The following ZNF500 variants were observed in gnomAD, a reference collection of about 807,000 sequenced individuals.
ZNF500 encodes the protein zinc finger protein 500.
ZNF500 carries 31 observed loss-of-function variants against 30.1 expected under a neutral mutation model. The ratio of observed to expected loss-of-function variants is 1.03; its 90% CI spans 0.77 to 1.39. ZNF500 has a LOEUF of 1.39. ZNF500 is among the 40% of genes most tolerant of loss of function. The probability of loss-of-function intolerance (pLI) is 0.00; values close to 1 mark genes in which losing one functional copy is unlikely to be tolerated. For missense variants in ZNF500, 817 were observed against 657.8 expected, an observed-to-expected ratio of 1.24 and a Z score of -2.65; for synonymous variants, 392 against 282.0, an observed-to-expected ratio of 1.39 and a Z score of -3.91.
Position 4,750,275 on chromosome 16 carries a change from T to TG in ZNF500, c.*2100_*2101insC, listed in dbSNP as rs2082064845. The TG allele has an allele frequency of 6.6e-6, 1 of 152,330 alleles. No homozygotes were observed. The highest frequency in any genetic ancestry group is 1.5e-5 in the Non-Finnish European group (1 of 68,150). 9.4% of individuals were successfully genotyped at this position (152,330 alleles called of 1,614,324 possible). A position where few individuals can be genotyped will look rare whatever the true frequency, so the allele number is the denominator to read the frequency against. ...GCCGTCCCTCAACCAGGCAGCCCCATTCTGCAGACACAGGACAGAGCACAC... is the reference window on the plus strand; with the variant it reads ...GCCGTCCCTCAACCAGGCAGCCCCATGTCTGCAGACACAGGACAGAGCACAC... On this transcript the variant is annotated 3_prime_UTR_variant, in exon 6 of 6. Coordinates refer to ENST00000219478, the MANE Select transcript of ZNF500 (RefSeq NM_021646.4).
chr16:4,765,609 G>A lies in ZNF500; in HGVS notation c.370C>T (p.Leu124Phe). Residue 124 changes from leucine to phenylalanine, a missense_variant, in exon 2 of 6, where the codon CTT (leucine) becomes TTT (phenylalanine). Coordinates refer to ENST00000219478, the MANE Select transcript of ZNF500 (RefSeq NM_021646.4). ...GGCTTCCGCTGCAGCCCTTCCACAA[G>A]GACCACGGCCTCCTCACCGCTCTCC... ...QPESGEEAVV[L>F]VEGLQRKPRK... is the part of the protein sequence containing the mutation. 6.2e-7 allele frequency: 1 copy of A among 1,611,382 alleles called. No homozygotes were observed. The highest frequency in any genetic ancestry group is 8.5e-7 in the Non-Finnish European group (1 of 1,178,528).
chr16:4,762,294 G>C lies in ZNF500; in HGVS notation c.640C>G (p.Pro214Ala). Residue 214 changes from proline (P) to alanine (A), a missense_variant, in exon 4 of 6, where the codon CCC becomes GCC. Transcript: ENST00000219478. ...PRHQEMASAS[P>A]FLSAWSQVPV... The stretch of plus-strand genomic sequence containing the variant: ...ACCTGGGACCAGGCCGAAAGGAAGG[G>C]CGAGGCTGACGCCATCTCCTGATGC... 1.2e-6 allele frequency: 2 copies of C among 1,611,632 alleles called. No homozygotes were observed.
chr16:4,746,647 G>C, downstream of ZNF500: 3 of 1,242,166 alleles, frequency 2.4e-6, no homozygotes, highest in Admixed American at 5.5e-5. Context: ...CAATTGAAAA[G>C]TGCTGGCCTA....
At position 4,749,389 on chromosome 16, in the gene ZNF500, A is replaced by C. The variant is rs1183392280; in HGVS notation, c.*2987T>G. The C allele has an allele frequency of 6.5e-6, 1 of 154,416 alleles. No individual in the cohort carries two copies. Among genetic ancestry groups the C allele is most frequent in the Non-Finnish European group, 1.5e-5 (1 of 68,218 alleles). 9.6% of individuals were successfully genotyped at this position (154,416 alleles called of 1,614,324 possible). ...AGTGATGGAAAATAAACTCTGTTCCAAGTTCAACTCTGAATTACTGTGTCT... is the reference window on the plus strand; with the variant it reads ...AGTGATGGAAAATAAACTCTGTTCCCAGTTCAACTCTGAATTACTGTGTCT... On this transcript the variant is annotated 3_prime_UTR_variant, in exon 6 of 6. Transcript: ENST00000219478.
rs1411606783 is a variant in ZNF500 at position 4,749,674 on chromosome 16, G to C, written c.*2702C>G. ...CTAAAAATACAAAAATTAGCCAGGC[G>C]TAGTGGTGCGCACCTGTAATCCCAG... On this transcript the variant is annotated 3_prime_UTR_variant, in exon 6 of 6. Coordinates refer to ENST00000219478, the MANE Select transcript of ZNF500 (RefSeq NM_021646.4). 6.6e-6 allele frequency: 1 copy of C among 152,208 alleles called. No homozygotes were observed. The highest frequency in any genetic ancestry group is 1.5e-5 in the Non-Finnish European group (1 of 68,084). 9.4% of individuals were successfully genotyped at this position (152,208 alleles called of 1,614,324 possible).
chr16:4,759,183 C>A (rs980807607), intron 5 of ZNF500, among the ~76,000 whole-genome samples: 6 of 151,600 alleles, frequency 4.0e-5, no homozygotes, highest in Non-Finnish European at 7.4e-5. Context: ...CCACTCCACT[C>A]CAGCCTGGGC....
chr16:4,751,920 GGGGGGGAGCAGGT>G lies in ZNF500; in HGVS notation c.*443_*455del. The G allele has an allele frequency of 3.0e-6, 1 of 335,286 alleles. No individual in the cohort carries two copies. Among genetic ancestry groups the G allele is most frequent in the Non-Finnish European group, 4.8e-6 (1 of 208,030 alleles). The allele number at this position is 335,286 out of a possible 1,614,324, so 20.8% of individuals were successfully genotyped here. ...AAGGCCCCGTCTCAAAAAAAAAAGG[GGGGGGGAGCAGGT>G]GGGGGGTACACACAGAGACAGCGCA... On this transcript the variant is annotated 3_prime_UTR_variant, in exon 6 of 6. Transcript: ENST00000219478.
Position 4,752,709 on chromosome 16 carries a change from C to T in ZNF500, c.1110G>A (p.Thr370=), listed in dbSNP as rs774382227. The stretch of plus-strand genomic sequence containing the variant: ...TCTCGCCTGTGTGCACCCTCTGGTG[C>T]GTGCTGAAGTTGGAGCGGTCGCTAA... The part of the protein sequence containing the change: ...KGFSDRSNFS[T]HQRVHTGEKP... Residue 370 remains threonine, a synonymous_variant, in exon 6 of 6, where the codon ACG becomes ACA. Coordinates refer to ENST00000219478, the MANE Select transcript of ZNF500 (RefSeq NM_021646.4). 4.0e-5 allele frequency: 65 copies of T among 1,614,016 alleles called. No individual in the cohort carries two copies. Among genetic ancestry groups the T allele is most frequent in the Non-Finnish European group, 5.3e-5 (62 of 1,180,026 alleles).
At chr16:4,744,916 C>T, downstream of ZNF500, 2 of 1,613,864 alleles carry the variant, frequency 1.2e-6, no homozygotes, top group South Asian at 1.1e-5. Flanking sequence ...AACAGCTGGC[C>T]CTCCTGTGCA....
Position 4,752,729 on chromosome 16 carries a change from C to A in ZNF500, c.1090G>T (p.Asp364Tyr). The change falls in exon 6 of 6, where the codon GAC becomes TAC. Residue 364 changes from aspartate to tyrosine, a missense_variant. Coordinates refer to ENST00000219478, the MANE Select transcript of ZNF500 (RefSeq NM_021646.4). ...TGGTGCGTGCTGAAGTTGGAGCGGTCGCTAAAGCCCTTCCCACAGACTAGG... is the reference window on the plus strand; with the variant it reads ...TGGTGCGTGCTGAAGTTGGAGCGGTAGCTAAAGCCCTTCCCACAGACTAGG... The part of the protein sequence containing the change: ...KCLVCGKGFS[D>Y]RSNFSTHQRV... 6.2e-7 allele frequency: 1 copy of A among 1,614,164 alleles called. No individual in the cohort carries two copies. Among genetic ancestry groups the A allele is most frequent in the Non-Finnish European group, 8.5e-7 (1 of 1,180,014 alleles).
At chr16:4,746,325 A>G (rs760625955), downstream of ZNF500, 16 of 1,562,026 alleles carry the variant, frequency 1.0e-5, no homozygotes, top group South Asian at 1.2e-5. Flanking sequence ...CGCAGGTCAC[A>G]GAGTTATCAC....
downstream of ZNF500, chr16:4,746,544 C>T (rs1364920686): frequency 6.3e-7 from 1 of 1,599,382 alleles, no homozygotes; most frequent in African/African-American, 1.3e-5. Flanking sequence ...CCATACCAGC[C>T]TCTACTTTGC....
intron 4 of ZNF500, 92 bp from the exon 5 acceptor site, chr16:4,760,680 C>A: frequency 1.7e-6 from 2 of 1,147,526 alleles, no homozygotes; most frequent in Non-Finnish European, 2.5e-6. Flanking sequence ...ACCGCCACTG[C>A]CCCTCGAGGC....
At chr16:4,747,699 C>T (rs914638422), downstream of ZNF500, 5 of 1,479,138 alleles carry the variant, frequency 3.4e-6, no homozygotes, top group African/African-American at 5.6e-5. Flanking sequence ...CCCCGGTGTC[C>T]CCTTGTTGTT....
chr16:4,750,937 G>C lies in ZNF500; in HGVS notation c.*1439C>G, dbSNP rs1596492201. The C allele has an allele frequency of 6.6e-6, 1 of 151,916 alleles. No homozygotes were observed. The highest frequency in any genetic ancestry group is 1.9e-4 in the East Asian group (1 of 5,184). The allele number at this position is 151,916 out of a possible 1,614,324, so 9.4% of individuals were successfully genotyped here. Reference sequence around the variant, plus strand: ...GTGGGAGCCACTGTGCTCGGCCTCTGACACTAAATAATGTCAGTTAAGGGA... The same window carrying C: ...GTGGGAGCCACTGTGCTCGGCCTCTCACACTAAATAATGTCAGTTAAGGGA... On this transcript the variant is annotated 3_prime_UTR_variant, in exon 6 of 6. Transcript: ENST00000219478.
At chr16:4,746,429 G>C (rs1308379822), downstream of ZNF500, 1 of 1,613,554 alleles carries the variant, frequency 6.2e-7, no homozygotes, top group South Asian at 1.1e-5. Flanking sequence ...AGCTGGCCCA[G>C]GGCATGAGGC....
intron 4 of ZNF500, 69 bp downstream of exon 4, chr16:4,762,202 A>G: frequency 6.5e-7 from 1 of 1,541,570 alleles, no homozygotes; most frequent in Non-Finnish European, 8.9e-7. Context: ...TCCCCTTAAC[A>G]AGGAAGTGTG....
At chr16:4,745,952 C>CAAAAAAAA (rs58259917), downstream of ZNF500, among the ~76,000 whole-genome samples, 2 of 113,470 alleles carry the variant, frequency 1.8e-5, no homozygotes, top group Non-Finnish European at 3.5e-5. Context: ...GACTCTGTCT[C>CAAAAAAAA]AAAAAAAAAA....
rs1312539984 is a variant in ZNF500, at chr16:4,752,687, C to T, written c.1132G>A (p.Glu378Lys). The change falls in exon 6 of 6, where the codon GAG becomes AAG. Residue 378 changes from glutamate (E) to lysine (K), a missense_variant. Physicochemically the swap from Glu to Lys is moderately conservative, Grantham distance 56. Coordinates refer to ENST00000219478, the MANE Select transcript of ZNF500 (RefSeq NM_021646.4). ...CACTCGGGGCACGGGTAGGGCTTCT[C>T]GCCTGTGTGCACCCTCTGGTGCGTG... ...FSTHQRVHTG[E>K]KPYPCPECGK... is the part of the protein sequence containing the mutation. 12 of 1,614,074 alleles carry T rather than the reference C, an allele frequency of 7.4e-6. No individual in the cohort carries two copies. The highest frequency in any genetic ancestry group is 1.1e-5 in the South Asian group (1 of 91,072).
Sources: gnomAD v4.1 joint callset for allele counts (sites outside exome capture counted in the v4.1 genomes callset) on GRCh38, gnomAD v4.1.1 for gene constraint, MANE v1.5 for transcripts, NCBI Gene and HGNC (gene_info 2026-07-23, HGNC 2026-07-21) for gene names.